Variants in PDE6B observed in about 807,000 individuals in gnomAD.
PDE6B encodes the protein rod cGMP-specific 3',5'-cyclic phosphodiesterase subunit beta.
A neutral mutation model predicts 109.0 loss-of-function variants in PDE6B; 106 were observed. The observed-to-expected ratio is 0.97, with a 90% CI of 0.83 to 1.14. The LOEUF (loss-of-function observed/expected upper bound fraction) is 1.14, where lower values mean the gene tolerates loss of function less well. Among genes scored for constraint, PDE6B ranks in the 50% most tolerant of loss-of-function variants. PDE6B has a pLI of 0.00. For synonymous variants in PDE6B, 490 were observed against 471.3 expected (o/e 1.04, Z -0.51); for missense variants, 1,193 against 1,155.6 (o/e 1.03, Z -0.47).
chr4:633,118 G>A lies in PDE6B; in HGVS notation c.469-1559G>A, dbSNP rs1457597061. On this transcript the variant is annotated intron_variant, in intron 1 of 21. Transcript: ENST00000496514. The surrounding 1 kb of genome is among the most constrained non-coding windows in gnomAD (Gnocchi z 4.5). ...GGCACCACGACAAGCAGGCAGGAGT[G>A]TGCTGTGCTTGGCCTCAGGGGACAC... 1.3e-5 allele frequency among the ~76,000 whole-genome samples: 2 copies of A among 152,178 alleles called. No homozygotes were observed. The highest frequency in any genetic ancestry group is 2.9e-5 in the Non-Finnish European group (2 of 68,032).
At chr4:655,336 A>C in intron 6 of PDE6B, 1 of 280,738 alleles carries the variant, frequency 3.6e-6, no homozygotes, top group South Asian at 3.8e-5. Flanking sequence ...TCAGGGCAGG[A>C]CTCCAGCCAA....
Position 666,476 on chromosome 4 carries a change from C to T in PDE6B, c.2269-55C>T, listed in dbSNP as rs1737806095. The T allele has an allele frequency of 1.6e-6, 2 of 1,228,498 alleles. No individual in the cohort carries two copies. Among genetic ancestry groups the T allele is most frequent in the Admixed American group, 1.7e-5 (1 of 59,506 alleles). The allele number at this position is 1,228,498 out of a possible 1,614,324, so 76.1% of individuals were successfully genotyped here. A position where few individuals can be genotyped will look rare whatever the true frequency, so the allele number is the denominator to read the frequency against. On this transcript the variant is annotated intron_variant, in intron 19 of 21. Transcript: ENST00000496514. The surrounding 1 kb of genome is among the most constrained non-coding windows in gnomAD (Gnocchi z 5.6). Reference sequence around the variant, plus strand: ...GAGGGGGTCGGGGGGCTGGGCGGGGCCCCAGGAGCTGCCTCCCTGGTCACT... The same window carrying T: ...GAGGGGGTCGGGGGGCTGGGCGGGGTCCCAGGAGCTGCCTCCCTGGTCACT...
In PDE6B at chr4:657,390, G is replaced by A. The variant is rs539768252; in HGVS notation, c.1297G>A (p.Asp433Asn). 25 of 1,613,030 alleles carry A rather than the reference G, an allele frequency of 1.5e-5. No homozygotes were observed. In the South Asian group the frequency reaches 1.6e-4, roughly 11 times the overall value. ...QFLGWSVMNTDTYDKMNKLEN... is the reference protein window; with the variant it reads ...QFLGWSVMNTNTYDKMNKLEN... ...CCTGGGCTGGTCAGTGATGAACACCGACACCTACGACAAGATGAACAAGCT... is the reference window on the plus strand; with the variant it reads ...CCTGGGCTGGTCAGTGATGAACACCAACACCTACGACAAGATGAACAAGCT... Residue 433 changes from aspartate (D) to asparagine (N), a missense_variant, in exon 10 of 22, where the codon GAC becomes AAC. Transcript: ENST00000496514.
At position 665,428 on chromosome 4, in the gene PDE6B, G is replaced by A; in HGVS notation, c.2268+99G>A. The A allele has an allele frequency of 1.1e-5, 9 of 809,484 alleles. No homozygotes were observed. The highest frequency in any genetic ancestry group is 1.9e-5 in the Non-Finnish European group (9 of 463,922). The allele number at this position is 809,484 out of a possible 1,614,324, so 50.1% of individuals were successfully genotyped here. On this transcript the variant is annotated intron_variant, in intron 19 of 21. Coordinates refer to ENST00000496514, the MANE Select transcript of PDE6B (RefSeq NM_000283.4). This position sits in a 1 kb window ranked among gnomAD's most constrained non-coding sequence, Gnocchi z 4.0. ...GGTCCTGGCTTGGTCTCAGGCAGGG[G>A]GTTCTGAGGTCGTGGGGTCCTTATC...
Position 625,652 on chromosome 4 carries a change from G to C in PDE6B, c.26G>C (p.Arg9Pro), listed in dbSNP as rs76755568. MSLSEEQARSFLDQNPDFA... is the reference protein window; with the variant it reads MSLSEEQAPSFLDQNPDFA... ...ATGAGCCTCAGTGAGGAGCAGGCCCGGAGCTTTCTGGACCAGAACCCCGAT... is the reference window on the plus strand; with the variant it reads ...ATGAGCCTCAGTGAGGAGCAGGCCCCGAGCTTTCTGGACCAGAACCCCGAT... The change falls in exon 1 of 22, where the codon CGG becomes CCG. Residue 9 changes from arginine to proline, a missense_variant. Physicochemically the swap from Arg to Pro is moderately radical, Grantham distance 103 (BLOSUM62 -2). Transcript: ENST00000496514. The surrounding 1 kb of genome is among the most constrained non-coding windows in gnomAD (Gnocchi z 5.0). The C allele has an allele frequency of 6.2e-7, 1 of 1,613,764 alleles. No homozygotes were observed. Among genetic ancestry groups the C allele is most frequent in the Non-Finnish European group, 8.5e-7 (1 of 1,179,782 alleles).
chr4:653,771 G>T, intron 3 of PDE6B, 81 bp from the exon 4 acceptor site: 1 of 1,491,604 alleles, frequency 6.7e-7, no homozygotes, highest in Admixed American at 1.7e-5. Context: ...TGTCAGGCTT[G>T]AGTTAAACCC....
In PDE6B at chr4:670,137, C is replaced by T. The variant is rs901577789; in HGVS notation, c.*30C>T. Reference sequence around the variant, plus strand: ...TGGTCCCATGGGGACCCTATGGCTCCCTCAATCTTCACCCACTAGGATTTG... The same window carrying T: ...TGGTCCCATGGGGACCCTATGGCTCTCTCAATCTTCACCCACTAGGATTTG... On this transcript the variant is annotated 3_prime_UTR_variant, in exon 22 of 22. Coordinates refer to ENST00000496514, the MANE Select transcript of PDE6B (RefSeq NM_000283.4). 4 of 1,611,932 alleles carry T rather than the reference C, an allele frequency of 2.5e-6. No individual in the cohort carries two copies. The highest frequency in any genetic ancestry group is 3.4e-6 in the Non-Finnish European group (4 of 1,178,670).
intron 11 of PDE6B, 75 bp downstream of exon 11, chr4:659,092 C>T (rs958272770): frequency 7.5e-6 from 8 of 1,068,724 alleles, no homozygotes; most frequent in South Asian, 2.5e-5. Context: ...CTGCATTCTC[C>T]GGGACCCGAC....
chr4:670,198 G>A lies in PDE6B; in HGVS notation c.*91G>A, dbSNP rs1463098669. On this transcript the variant is annotated 3_prime_UTR_variant, in exon 22 of 22. Coordinates refer to ENST00000496514, the MANE Select transcript of PDE6B (RefSeq NM_000283.4). ...GTGGCTATTTGCTACAAGAGGTTAG[G>A]AAGCCCAAGAAAATGACTGAAGATC... is the stretch of plus-strand genomic sequence containing the variant. 4.4e-6 allele frequency: 7 copies of A among 1,595,430 alleles called. No individual in the cohort carries two copies. Among genetic ancestry groups the A allele is most frequent in the Non-Finnish European group, 6.0e-6 (7 of 1,167,854 alleles).
At chr4:635,771 G>A in intron 2 of PDE6B, 109 bp from the exon 3 acceptor site, 1 of 725,862 alleles carries the variant, frequency 1.4e-6, no homozygotes, top group South Asian at 1.5e-5. Context: ...ACAGCTTCCT[G>A]GCGTGTCTGG....
At chr4:653,208 G>A (rs1475595680) in intron 3 of PDE6B, 2 of 1,005,158 alleles carry the variant, frequency 2.0e-6, no homozygotes, top group Non-Finnish European at 2.4e-6. Flanking sequence ...CTGGCACCAT[G>A]CGGTAGAAGA....
In PDE6B at chr4:633,926, T is replaced by C. The variant is rs796439667; in HGVS notation, c.469-751T>C. Among the ~76,000 whole-genome samples the C allele has an allele frequency of 6.6e-6, 1 of 151,508 alleles. No homozygotes were observed. The highest frequency in any genetic ancestry group is 2.4e-5 in the African/African-American group (1 of 41,428). On this transcript the variant is annotated intron_variant, in intron 1 of 21. Coordinates refer to ENST00000496514, the MANE Select transcript of PDE6B (RefSeq NM_000283.4). This position sits in a 1 kb window ranked among gnomAD's most constrained non-coding sequence, Gnocchi z 4.5. ...CTGAGGCAGAGCTCAGCTGACCTGT[T>C]CCTTGAGGGGCCGGAACCTAAGAGC...
At chr4:668,417 C>G (rs1353336781) in intron 21 of PDE6B, among the ~76,000 whole-genome samples, 3 of 151,490 alleles carry the variant, frequency 2.0e-5, no homozygotes, top group Admixed American at 2.0e-4. Context: ...TCCCAGTATC[C>G]CATGCTATTC....
At chr4:653,165 C>T in intron 3 of PDE6B, 1 of 992,246 alleles carries the variant, frequency 1.0e-6, no homozygotes, top group Non-Finnish European at 1.2e-6. Flanking sequence ...AGGGAGAGAG[C>T]TGGGCTAGGA....
rs763863811 is a variant in PDE6B at position 664,159 on chromosome 4, C to T, written c.2067C>T (p.Tyr689=). Residue 689 remains tyrosine, a synonymous_variant, in exon 17 of 22, where the codon TAC becomes TAT. Coordinates refer to ENST00000496514, the MANE Select transcript of PDE6B (RefSeq NM_000283.4). ...AGATCGTGGATGAGTCCAAGAACTA[C>T]CAGGACAAGAAGAGCTGGGTGGAGT... ...FQKIVDESKN[Y]QDKKSWVEYL... 2 of 1,612,616 alleles carry T rather than the reference C, an allele frequency of 1.2e-6. No individual in the cohort carries two copies. Among genetic ancestry groups the T allele is most frequent in the South Asian group, 2.2e-5 (2 of 91,066 alleles).
Position 663,097 on chromosome 4 carries a change from C to A in PDE6B, c.1833-3C>A, listed in dbSNP as rs1241323917. 14 of 1,591,714 alleles carry A rather than the reference C, an allele frequency of 8.8e-6. No individual in the cohort carries two copies. Among genetic ancestry groups the A allele is most frequent in the Non-Finnish European group, 1.0e-5 (12 of 1,159,734 alleles). On this transcript the variant is annotated splice_region_variant and splice_polypyrimidine_tract_variant and intron_variant, in intron 14 of 21. Coordinates refer to ENST00000496514, the MANE Select transcript of PDE6B (RefSeq NM_000283.4). The surrounding 1 kb of genome is among the most constrained non-coding windows in gnomAD (Gnocchi z 4.0). ...GGCCTCACCTCCACCACCTGTGTAACAGGTCCCAGAACCCCTTGGCTAAGC... is the reference window on the plus strand; with the variant it reads ...GGCCTCACCTCCACCACCTGTGTAAAAGGTCCCAGAACCCCTTGGCTAAGC...
chr4:663,019 G>A lies in PDE6B; in HGVS notation c.1833-81G>A, dbSNP rs1287182822. On this transcript the variant is annotated intron_variant, in intron 14 of 21. Transcript: ENST00000496514. The surrounding 1 kb of genome is among the most constrained non-coding windows in gnomAD (Gnocchi z 4.0). ...CCCTGTCTCAAAAAAAAGAAAGTGGGGCCCATCTGGGGGGGCTGCAGAGCG... is the reference window on the plus strand; with the variant it reads ...CCCTGTCTCAAAAAAAAGAAAGTGGAGCCCATCTGGGGGGGCTGCAGAGCG... The A allele has an allele frequency of 1.2e-6, 1 of 822,892 alleles. No individual in the cohort carries two copies. The highest frequency in any genetic ancestry group is 2.4e-5 in the East Asian group (1 of 41,182). 51.0% of individuals were successfully genotyped at this position (822,892 alleles called of 1,614,324 possible). A position where few individuals can be genotyped will look rare whatever the true frequency, so the allele number is the denominator to read the frequency against.
Position 662,603 on chromosome 4 carries a change from A to G in PDE6B, c.1817A>G (p.Asn606Ser). The G allele has an allele frequency of 6.2e-7, 1 of 1,607,954 alleles. No homozygotes were observed. Among genetic ancestry groups the G allele is most frequent in the Non-Finnish European group, 8.5e-7 (1 of 1,175,302 alleles). Reference sequence around the variant, plus strand: ...GACATCGACCACCGCGGCACCAACAACCTGTACCAGATGAAGTAGGCACCT... The same window carrying G: ...GACATCGACCACCGCGGCACCAACAGCCTGTACCAGATGAAGTAGGCACCT... Reference protein sequence around the residue: ...CHDIDHRGTNNLYQMKSQNPL... With the variant: ...CHDIDHRGTNSLYQMKSQNPL... The change falls in exon 14 of 22, where the codon AAC becomes AGC. Residue 606 changes from asparagine (N) to serine (S), a missense_variant. Asn to Ser is a conservative substitution (Grantham distance 46). Coordinates refer to ENST00000496514, the MANE Select transcript of PDE6B (RefSeq NM_000283.4). This position sits in a 1 kb window ranked among gnomAD's most constrained non-coding sequence, Gnocchi z 4.3.
Position 664,147 on chromosome 4 carries a change from G to A in PDE6B, c.2055G>A (p.Glu685=), listed in dbSNP as rs199531882. The A allele has an allele frequency of 6.2e-7, 1 of 1,612,176 alleles. No homozygotes were observed. Among genetic ancestry groups the A allele is most frequent in the South Asian group, 1.1e-5 (1 of 91,054 alleles). The change falls in exon 17 of 22, where the codon GAG becomes GAA. Residue 685 remains glutamate (E), a synonymous_variant. Transcript: ENST00000496514. Reference sequence around the variant, plus strand: ...CGATGTTTCAGAAGATCGTGGATGAGTCCAAGAACTACCAGGACAAGAAGA... The same window carrying A: ...CGATGTTTCAGAAGATCGTGGATGAATCCAAGAACTACCAGGACAAGAAGA... ...KRAMFQKIVD[E]SKNYQDKKSW...
Sources: allele counts gnomAD v4.1 joint callset (sites outside exome capture counted in the v4.1 genomes callset), GRCh38; gene constraint gnomAD v4.1.1; non-coding constraint Gnocchi (gnomAD v3.1); transcripts MANE v1.5; gene names NCBI Gene and HGNC (gene_info 2026-07-23, HGNC 2026-07-21).